CIP2A: variants seen among roughly 807,000 people sequenced by gnomAD.
CIP2A encodes cellular inhibitor of PP2A, also known as protein CIP2A.
CIP2A carries 103 observed loss-of-function variants against 110.9 expected under a neutral mutation model. That is an observed-to-expected ratio of 0.93 (90% CI 0.79 to 1.09). The LOEUF is 1.09. Ranked by LOEUF, CIP2A falls within the 50% of genes least tolerant of loss-of-function variation. CIP2A has a pLI of 0.00. For synonymous variants in CIP2A, 381 were observed against 361.6 expected (o/e 1.05, Z -0.61); for missense variants, 1,088 against 1,038.4 (o/e 1.05, Z -0.66).
rs1418613569 is a variant in CIP2A, at chr3:108,569,393, A to T, written c.1109T>A (p.Phe370Tyr). 1.2e-6 allele frequency: 2 copies of T among 1,610,096 alleles called. No individual in the cohort carries two copies. The highest frequency in any genetic ancestry group is 1.7e-6 in the Non-Finnish European group (2 of 1,177,090). The change falls in exon 9 of 21, where the codon TTT becomes TAT. Residue 370 changes from phenylalanine (F) to tyrosine (Y), a missense_variant. Physicochemically the swap from Phe to Tyr is conservative, Grantham distance 22 (BLOSUM62 3). Coordinates refer to ENST00000295746, the MANE Select transcript of CIP2A (RefSeq NM_020890.3). Reference sequence around the variant, plus strand: ...ATCTGTCAGTCATCCTATTACCTCAAATATTTCCTTGAACAACTCCAATGC... The same window carrying T: ...ATCTGTCAGTCATCCTATTACCTCATATATTTCCTTGAACAACTCCAATGC... ...VLALELFKEIFEDVIDAANCS... is the reference protein window; with the variant it reads ...VLALELFKEIYEDVIDAANCS...
At chr3:108,558,473 G>A (rs142775292) in intron 16 of CIP2A, among the ~76,000 whole-genome samples, 52 of 152,110 alleles carry the variant, frequency 3.4e-4, no homozygotes, top group African/African-American at 1.2e-3. Context: ...CATTATATAT[G>A]TACATAATAC....
At chr3:108,572,639 T>C (rs1938437892) in intron 8 of CIP2A, among the ~76,000 whole-genome samples, 1 of 152,102 alleles carries the variant, frequency 6.6e-6, no homozygotes. Context: ...ATGTTCTATT[T>C]GTCACGAGAA....
rs9855868 is a variant in CIP2A at position 108,568,076 on chromosome 3, C to T, written c.1273+79G>A. On this transcript the variant is annotated intron_variant, in intron 10 of 20. Coordinates refer to ENST00000295746, the MANE Select transcript of CIP2A (RefSeq NM_020890.3). The stretch of plus-strand genomic sequence containing the variant: ...TAAAGTGACAAATTACAAATAAAGA[C>T]AAAATGCAGTGAATGCAATACTAGA... The T allele has an allele frequency of 4.1e-3, 4,367 of 1,075,222 alleles. 137 individuals are homozygous for T. The African/African-American group carries it at 0.063, about 16-fold the overall frequency. 66.6% of individuals were successfully genotyped at this position (1,075,222 alleles called of 1,614,324 possible). A position where few individuals can be genotyped will look rare whatever the true frequency, so the allele number is the denominator to read the frequency against.
rs941883869 is a variant in CIP2A at position 108,568,278 on chromosome 3, G to A, written c.1150C>T (p.Arg384Cys). The A allele has an allele frequency of 3.1e-6, 5 of 1,611,972 alleles. No homozygotes were observed. The highest frequency in any genetic ancestry group is 1.7e-5 in the Admixed American group (1 of 59,822). The change falls in exon 10 of 21, where the codon CGT (arginine) becomes TGT (cysteine). Residue 384 changes from arginine to cysteine, a missense_variant. By Grantham distance (180) the Arg-to-Cys change is radical (BLOSUM62 -3). Coordinates refer to ENST00000295746, the MANE Select transcript of CIP2A (RefSeq NM_020890.3). ...IDAANCSSAD[R>C]FVTLLLPTIL... is the part of the protein sequence containing the mutation. ...GTAGGCAGCAGAAGGGTCACAAAACGATCAGCCGAGGAACAGTTAGCAGCA... is the reference window on the plus strand; with the variant it reads ...GTAGGCAGCAGAAGGGTCACAAAACAATCAGCCGAGGAACAGTTAGCAGCA...
At chr3:108,580,376 T>C (rs547265612) in intron 5 of CIP2A, among the ~76,000 whole-genome samples, 1 of 142,590 alleles carries the variant, frequency 7.0e-6, no homozygotes, top group African/African-American at 2.5e-5. Context: ...TTATTCTTCC[T>C]TATATTTAAG....
At chr3:108,554,097 T>C (rs1344258883) in intron 18 of CIP2A, among the ~76,000 whole-genome samples, 3 of 151,816 alleles carry the variant, frequency 2.0e-5, no homozygotes, top group Non-Finnish European at 2.9e-5. Flanking sequence ...AGTTTCGCCA[T>C]GTTGGCCACG....
Position 108,559,958 on chromosome 3 carries a change from A to G in CIP2A, c.1898T>C (p.Leu633Ser). 6.3e-7 allele frequency: 1 copy of G among 1,594,552 alleles called. No individual in the cohort carries two copies. Among genetic ancestry groups the G allele is most frequent in the Non-Finnish European group, 8.6e-7 (1 of 1,163,550 alleles). The change falls in exon 15 of 21, where the codon TTA (leucine) becomes TCA (serine). Residue 633 changes from leucine to serine, a missense_variant. Transcript: ENST00000295746. ...TTAAAATAAGCTTATACTCACAGCTAATGTGGATAGTTTCATTTCATATAC... is the reference window on the plus strand; with the variant it reads ...TTAAAATAAGCTTATACTCACAGCTGATGTGGATAGTTTCATTTCATATAC... ...MDVYEMKLST[L>S]ASKESRLQDL... is the part of the protein sequence containing the mutation.
chr3:108,582,932 A>G, intron 3 of CIP2A, 45 bp downstream of exon 3: 1 of 1,164,938 alleles, frequency 8.6e-7, no homozygotes, highest in Non-Finnish European at 1.3e-6. Context: ...ATCAATTTTG[A>G]TCTGACAGTA....
intron 12 of CIP2A, 64 bp from the exon 13 acceptor site, chr3:108,563,308 T>C (rs1385639598): frequency 9.8e-6 from 9 of 917,016 alleles, no homozygotes; most frequent in Admixed American, 1.9e-5. Context: ...CTCTTTTAGA[T>C]AGGAGGTGAG....
At chr3:108,586,024 A>G (rs1198818290) in intron 1 of CIP2A, among the ~76,000 whole-genome samples, 1 of 152,196 alleles carries the variant, frequency 6.6e-6, no homozygotes, top group Non-Finnish European at 1.5e-5. Flanking sequence ...TATTTATTAC[A>G]AAGCATATCT....
chr3:108,569,131 C>A (rs1484014450), intron 9 of CIP2A, among the ~76,000 whole-genome samples: 6 of 73,240 alleles, frequency 8.2e-5, no homozygotes, highest in Non-Finnish European at 1.7e-4. Flanking sequence ...TTATATAAAT[C>A]TTTTTAATAT....
chr3:108,551,869 A>G (rs1239280828), intron 20 of CIP2A, among the ~76,000 whole-genome samples: 1 of 152,170 alleles, frequency 6.6e-6, no homozygotes, highest in Non-Finnish European at 1.5e-5. Flanking sequence ...TTTAGTAAGT[A>G]ACCTCAGACT....
In CIP2A at chr3:108,553,133, T is replaced by G. The variant is rs1274365946; in HGVS notation, c.2407+515A>C. ...TCTCTTTCCTTTTGTTTTTTTTTTTTTTTTTTTTTTTTTTGAGACAGTCTT... is the reference window on the plus strand; with the variant it reads ...TCTCTTTCCTTTTGTTTTTTTTTTTGTTTTTTTTTTTTTTGAGACAGTCTT... On this transcript the variant is annotated intron_variant, in intron 19 of 20. Transcript: ENST00000295746. 8.9e-4 allele frequency among the ~76,000 whole-genome samples: 125 copies of G among 140,066 alleles called. 1 individual carries two copies. Among genetic ancestry groups the G allele is most frequent in the Non-Finnish European group, 1.7e-3 (108 of 64,634 alleles). The allele number at this position is 140,066 out of a possible 152,430, so 91.9% of individuals were successfully genotyped here.
chr3:108,567,107 T>C (rs1220447135), intron 10 of CIP2A, among the ~76,000 whole-genome samples: 3 of 151,812 alleles, frequency 2.0e-5, no homozygotes, highest in African/African-American at 7.2e-5. Context: ...TTTAGCTGCA[T>C]GTTAGAATCA....
In CIP2A at chr3:108,557,238, G is replaced by A. The variant is rs146232264; in HGVS notation, c.2190C>T (p.Ser730=). The change falls in exon 17 of 21, where the codon TCC becomes TCT. Residue 730 remains serine (S), a synonymous_variant. Coordinates refer to ENST00000295746, the MANE Select transcript of CIP2A (RefSeq NM_020890.3). Reference sequence around the variant, plus strand: ...TTTACCTCTGAAGAAGTTCCATGTAGGATTTTGTCAGTATTTCATGTTCTT... The same window carrying A: ...TTTACCTCTGAAGAAGTTCCATGTAAGATTTTGTCAGTATTTCATGTTCTT... ...VAEEHEILTK[S]YMELLQRNES... is the part of the protein sequence containing the mutation. 38 of 1,596,030 alleles carry A rather than the reference G, an allele frequency of 2.4e-5. 1 individual carries two copies. In the African/African-American group the frequency reaches 4.6e-4, roughly 19 times the overall value.
intron 1 of CIP2A, among the ~76,000 whole-genome samples, chr3:108,587,677 T>C (rs1435499665): frequency 2.0e-5 from 3 of 152,236 alleles, no homozygotes; most frequent in Non-Finnish European, 2.9e-5. Context: ...CTGAAGCCAG[T>C]GCTCTTCATA....
intron 7 of CIP2A, among the ~76,000 whole-genome samples, chr3:108,576,779 GAAGT>G (rs767109180): frequency 8.5e-5 from 13 of 152,086 alleles, no homozygotes; most frequent in African/African-American, 2.4e-4. Context: ...TGCAAATAAA[GAAGT>G]AAGGGGCAGC....
intron 16 of CIP2A, among the ~76,000 whole-genome samples, chr3:108,557,684 C>T (rs533285292): frequency 2.6e-5 from 4 of 152,092 alleles, no homozygotes; most frequent in African/African-American, 9.6e-5. Flanking sequence ...GAAGGTCGCG[C>T]TACATACAGT....
rs746164404 is a variant in CIP2A, at chr3:108,553,742, A to T, written c.2325-12T>A. On this transcript the variant is annotated splice_polypyrimidine_tract_variant and intron_variant, in intron 18 of 20. Coordinates refer to ENST00000295746, the MANE Select transcript of CIP2A (RefSeq NM_020890.3). ...ATTGGGCAATACTTCTGAAGTTATT[A>T]AAAAAAATAGAAGAAAACATTAATG... 14 of 1,448,386 alleles carry T rather than the reference A, an allele frequency of 9.7e-6. No homozygotes were observed. The highest frequency in any genetic ancestry group is 3.1e-5 in the African/African-American group (2 of 65,386). The allele number at this position is 1,448,386 out of a possible 1,614,324, so 89.7% of individuals were successfully genotyped here.
Sources: gnomAD v4.1 joint callset for allele counts (sites outside exome capture counted in the v4.1 genomes callset) on GRCh38, gnomAD v4.1.1 for gene constraint, MANE v1.5 for transcripts, NCBI Gene and HGNC (gene_info 2026-07-23, HGNC 2026-07-21) for gene names.